GRIN2B: variants seen among roughly 807,000 people sequenced by gnomAD.
GRIN2B encodes glutamate ionotropic receptor NMDA type subunit 2B, also known as glutamate receptor ionotropic, NMDA 2B.
Under a neutral mutation model 114.5 loss-of-function variants are expected in GRIN2B, and 5 were observed. The ratio of observed to expected loss-of-function variants is 0.04; its 90% CI spans 0.02 to 0.09. The LOEUF is 0.09. Among genes scored for constraint, GRIN2B ranks in the 10% least tolerant of loss-of-function variants. GRIN2B has a pLI of 1.00. For synonymous variants in GRIN2B, 787 were observed against 745.1 expected (o/e 1.06, Z -0.92); for missense variants, 1,108 against 1,943.5 (o/e 0.57, Z 8.08).
At position 13,914,486 on chromosome 12, in the gene GRIN2B, T is replaced by C. The variant is rs543607753; in HGVS notation, c.-18-48260A>G. Among the ~76,000 whole-genome samples the C allele has an allele frequency of 2.0e-5, 3 of 152,236 alleles. No homozygotes were observed. The South Asian group carries it at 6.2e-4, about 32-fold the overall frequency. ...CACTGTGGGTGAGAATGTAAATCAATACAGTCACTATGGAAAACAATATTG... is the reference window on the plus strand; with the variant it reads ...CACTGTGGGTGAGAATGTAAATCAACACAGTCACTATGGAAAACAATATTG... On this transcript the variant is annotated intron_variant, in intron 2 of 13. Coordinates refer to ENST00000609686, the MANE Select transcript of GRIN2B (RefSeq NM_000834.5).
chr12:13,872,685 T>C (rs1011574669), intron 2 of GRIN2B, among the ~76,000 whole-genome samples: 9 of 152,180 alleles, frequency 5.9e-5, no homozygotes, highest in Non-Finnish European at 1.0e-4. Context: ...ATAGAAATGT[T>C]AAATTGTGTT....
At chr12:13,621,466 G>T (rs1949512703) in intron 5 of GRIN2B, among the ~76,000 whole-genome samples, 1 of 151,872 alleles carries the variant, frequency 6.6e-6, no homozygotes, top group Non-Finnish European at 1.5e-5. Flanking sequence ...ATTCCTTTGA[G>T]GTAACTAAAC....
intron 2 of GRIN2B, among the ~76,000 whole-genome samples, chr12:13,898,405 T>C (rs748971258): frequency 3.5e-4 from 53 of 152,368 alleles, no homozygotes; most frequent in Non-Finnish European, 6.5e-4. Context: ...ACACAACTAA[T>C]AAATGGCAGA....
At chr12:13,704,386 C>A (rs1950340149) in intron 4 of GRIN2B, among the ~76,000 whole-genome samples, 1 of 152,148 alleles carries the variant, frequency 6.6e-6, no homozygotes, top group African/African-American at 2.4e-5. Context: ...GCTTGAATGG[C>A]CAATCCTTGA....
intron 13 of GRIN2B, among the ~76,000 whole-genome samples, chr12:13,565,185 G>A (rs1242315788): frequency 1.3e-5 from 2 of 152,144 alleles, no homozygotes; most frequent in Non-Finnish European, 2.9e-5. Flanking sequence ...TTAGAATTTT[G>A]GTCACCAAAT....
At chr12:13,909,153 G>A (rs1197261701) in intron 2 of GRIN2B, among the ~76,000 whole-genome samples, 2 of 152,158 alleles carry the variant, frequency 1.3e-5, no homozygotes, top group East Asian at 3.9e-4. Context: ...GCAAAATTTT[G>A]GAGCTCCAAA....
chr12:13,652,281 C>T (rs1467200899), intron 5 of GRIN2B, among the ~76,000 whole-genome samples: 1 of 151,730 alleles, frequency 6.6e-6, no homozygotes, highest in East Asian at 2.0e-4. Context: ...CTCTCTGTAT[C>T]CTCTGGAGAA....
rs184358773 is a variant in GRIN2B at position 13,625,599 on chromosome 12, C to A, written c.1126-8942G>T. On this transcript the variant is annotated intron_variant, in intron 5 of 13. Transcript: ENST00000609686. ...ACATCAGTGCAGCTCCTTAATGTGA[C>A]TTCCTCCCAGAAACATAATTTTTTG... Among the ~76,000 whole-genome samples the A allele has an allele frequency of 3.2e-4, 49 of 152,320 alleles. 1 individual carries two copies. Among genetic ancestry groups the A allele is most frequent in the Admixed American group, 2.2e-3 (34 of 15,302 alleles).
chr12:13,611,625 G>A, intron 9 of GRIN2B, 100 bp downstream of exon 9: 1 of 1,185,344 alleles, frequency 8.4e-7, no homozygotes, highest in South Asian at 1.2e-5. Flanking sequence ...TTTCAGAAAT[G>A]GATATGCTAG....
At position 13,545,693 on chromosome 12, in the gene GRIN2B, A is replaced by T. The variant is rs1359113603; in HGVS notation, c.*17090T>A. 6.6e-6 allele frequency: 1 copy of T among 152,178 alleles called. No homozygotes were observed. Among genetic ancestry groups the T allele is most frequent in the Non-Finnish European group, 1.5e-5 (1 of 68,028 alleles). 9.4% of individuals were successfully genotyped at this position (152,178 alleles called of 1,614,324 possible). ...GGTTAATTATTATTTTTAATAGGTAAGAAAAAAGTTACTCCGAGTTTCATT... is the reference window on the plus strand; with the variant it reads ...GGTTAATTATTATTTTTAATAGGTATGAAAAAAGTTACTCCGAGTTTCATT... On this transcript the variant is annotated 3_prime_UTR_variant, in exon 14 of 14. Transcript: ENST00000609686.
intron 2 of GRIN2B, among the ~76,000 whole-genome samples, chr12:13,908,630 C>T (rs1283427248): frequency 6.6e-6 from 1 of 152,172 alleles, no homozygotes; most frequent in Non-Finnish European, 1.5e-5. Flanking sequence ...CTCTACCTTG[C>T]ACCTGATCTT....
intron 4 of GRIN2B, among the ~76,000 whole-genome samples, chr12:13,741,246 G>A (rs1020688718): frequency 1.3e-5 from 2 of 152,102 alleles, no homozygotes; most frequent in Non-Finnish European, 2.9e-5. Context: ...TGCCCAGGCT[G>A]TTCTTGAACT....
intron 3 of GRIN2B, among the ~76,000 whole-genome samples, chr12:13,864,328 C>T (rs988033555): frequency 6.6e-6 from 1 of 152,116 alleles, no homozygotes; most frequent in Admixed American, 6.6e-5. Flanking sequence ...TGCTCCACTG[C>T]GGAGGTTGTC....
At chr12:13,700,876 T>C (rs1037550723) in intron 4 of GRIN2B, among the ~76,000 whole-genome samples, 2 of 152,200 alleles carry the variant, frequency 1.3e-5, no homozygotes, top group Non-Finnish European at 2.9e-5. Flanking sequence ...TGGTTTACAT[T>C]TCAGTCTTTG....
chr12:13,563,177 G>T lies in GRIN2B; in HGVS notation c.4061C>A (p.Ser1354Tyr). The T allele has an allele frequency of 6.2e-7, 1 of 1,614,214 alleles. No homozygotes were observed. Among genetic ancestry groups the T allele is most frequent in the Non-Finnish European group, 8.5e-7 (1 of 1,180,052 alleles). The change falls in exon 14 of 14, where the codon TCC becomes TAC. Residue 1354 changes from serine (S) to tyrosine (Y), a missense_variant. By Grantham distance (144) the Ser-to-Tyr change is moderately radical. This residue lies in a region of GRIN2B where 478 missense variants were observed against 506.0 expected (regional missense o/e 0.94). Coordinates refer to ENST00000609686, the MANE Select transcript of GRIN2B (RefSeq NM_000834.5). ...AGESTFANNK[S>Y]SVPTAGHHHH... ...GTGATGTCCGGCAGTGGGCACTGAG[G>T]ACTTGTTGTTGGCAAAGGTGCTCTC... is the stretch of plus-strand genomic sequence containing the variant.
At chr12:13,948,136 A>C (rs1867398511) in intron 2 of GRIN2B, among the ~76,000 whole-genome samples, 1 of 152,192 alleles carries the variant, frequency 6.6e-6, no homozygotes, top group African/African-American at 2.4e-5. Context: ...CATAAATATG[A>C]TACAAAATGT....
At chr12:13,797,342 G>T (rs1214765904) in intron 3 of GRIN2B, among the ~76,000 whole-genome samples, 1 of 152,072 alleles carries the variant, frequency 6.6e-6, no homozygotes, top group African/African-American at 2.4e-5. Flanking sequence ...ATCACCTTGG[G>T]GGTTAGGATT....
intron 5 of GRIN2B, among the ~76,000 whole-genome samples, chr12:13,630,966 T>C (rs1230064458): frequency 6.6e-6 from 1 of 152,080 alleles, no homozygotes. Flanking sequence ...AAGGCACATC[T>C]TACGTGGCAG....
At position 13,564,720 on chromosome 12, in the gene GRIN2B, G is replaced by T; in HGVS notation, c.2599-81C>A. On this transcript the variant is annotated intron_variant, in intron 13 of 13. Transcript: ENST00000609686. This position sits in a 1 kb window ranked among gnomAD's most constrained non-coding sequence, Gnocchi z 4.8. ...AAAAAACACTCTCCCACCAATAATTGCTCCAACTGGATAAGAAAAAGGGAA... is the reference window on the plus strand; with the variant it reads ...AAAAAACACTCTCCCACCAATAATTTCTCCAACTGGATAAGAAAAAGGGAA... 8.4e-7 allele frequency: 1 copy of T among 1,188,064 alleles called. No homozygotes were observed. The highest frequency in any genetic ancestry group is 1.3e-6 in the Non-Finnish European group (1 of 799,468). The allele number at this position is 1,188,064 out of a possible 1,614,324, so 73.6% of individuals were successfully genotyped here. A position where few individuals can be genotyped will look rare whatever the true frequency, so the allele number is the denominator to read the frequency against.
Sources: gnomAD v4.1 joint callset for allele counts (sites outside exome capture counted in the v4.1 genomes callset) on GRCh38, gnomAD v4.1.1 for gene constraint, gnomAD v4.1.1 regional missense constraint, Gnocchi (gnomAD v3.1) non-coding constraint, MANE v1.5 for transcripts, NCBI Gene and HGNC (gene_info 2026-07-23, HGNC 2026-07-21) for gene names.